Variants in ARMCX4 observed in about 807,000 individuals in gnomAD.
ARMCX4 encodes the protein armadillo repeat containing X-linked 4, also known as armadillo repeat-containing X-linked protein 4.
In ARMCX4, 3 loss-of-function variants were observed where a neutral mutation model predicts 34.7. That is an observed-to-expected ratio of 0.09 (90% CI 0.04 to 0.22). The LOEUF (loss-of-function observed/expected upper bound fraction) is 0.22. ARMCX4 is among the 10% of genes least tolerant of loss of function. The pLI, the probability that ARMCX4 is intolerant of heterozygous loss-of-function variation, is 1.00. For synonymous variants in ARMCX4, 513 were observed against 632.8 expected (o/e 0.81, Z 2.84); for missense variants, 1,448 against 1,720.8 (o/e 0.84, Z 2.81).
chrX:101,528,658 C>T (rs1243663974), intron 11 of ARMCX4, among the ~76,000 whole-genome samples: 2 of 111,380 alleles, frequency 1.8e-5, no homozygotes, highest in African/African-American at 6.5e-5. Flanking sequence ...AATCAATGTG[C>T]AAAAATCATA....
At chrX:101,444,140 G>A (rs1227962928) in exon 3 of ARMCX4, 5 of 275,966 alleles carry the variant, frequency 1.8e-5, no homozygotes, top group African/African-American at 2.8e-5. Flanking sequence ...CATGGGTGGC[G>A]ATGTTGAAGA....
chrX:101,491,691 C>T lies in ARMCX4; in HGVS notation c.3102C>T (p.Ala1034=), dbSNP rs1556009299. The change falls in exon 6 of 6, where the codon GCC becomes GCT. Residue 1034 remains alanine, a synonymous_variant. Transcript: ENST00000423738. Reference sequence around the variant, plus strand: ...ACTCTGCCCAGCCTCAGATTGTGGCCGGTTCCCAGGGTGAGACCTTGCCTG... The same window carrying T: ...ACTCTGCCCAGCCTCAGATTGTGGCTGGTTCCCAGGGTGAGACCTTGCCTG... ...TRHSAQPQIV[A]GSQGETLPGA... 3.5e-6 allele frequency: 4 copies of T among 1,156,371 alleles called. No individual in the cohort carries two copies. Among genetic ancestry groups the T allele is most frequent in the East Asian group, 3.2e-5 (1 of 30,781 alleles).
At chrX:101,446,816 TGGTGGCAGGCAC>T (rs1931669379), downstream of ARMCX4, among the ~76,000 whole-genome samples, 2 of 110,778 alleles carry the variant, frequency 1.8e-5, no homozygotes, top group Non-Finnish European at 3.8e-5. Flanking sequence ...TAGCCGGGCG[TGGTGGCAGGCAC>T]CTATAATCCC....
chrX:101,535,671 C>CA (rs1404417481), downstream of ARMCX4, among the ~76,000 whole-genome samples: 45 of 110,594 alleles, frequency 4.1e-4, no homozygotes, highest in Middle Eastern at 4.6e-3. Flanking sequence ...TCCACCCCTC[C>CA]AAAAAAAGAT....
At chrX:101,506,554 A>C (rs945745728) in intron 8 of ARMCX4, among the ~76,000 whole-genome samples, 8 of 111,052 alleles carry the variant, frequency 7.2e-5, no homozygotes, top group Non-Finnish European at 1.3e-4. Flanking sequence ...ACACTTTCTG[A>C]TGTCTCTTCT....
intron 11 of ARMCX4, among the ~76,000 whole-genome samples, chrX:101,528,278 C>G (rs1000364523): frequency 5.4e-5 from 6 of 111,858 alleles, no homozygotes; most frequent in Non-Finnish European, 1.1e-4. Context: ...CGATAAAATT[C>G]AACAGTGTTT....
chrX:101,431,425 A>T (rs782370027), intron 2 of ARMCX4, among the ~76,000 whole-genome samples: 1 of 112,712 alleles, frequency 8.9e-6, no homozygotes, highest in South Asian at 3.6e-4. Context: ...CATCTTGAGC[A>T]TCATTTTTTG....
chrX:101,471,744 G>C (rs1328819891), intron 4 of ARMCX4, among the ~76,000 whole-genome samples: 1 of 111,115 alleles, frequency 9.0e-6, no homozygotes, highest in African/African-American at 3.3e-5. Flanking sequence ...GCAGCTGAGG[G>C]TCCTGTCTGT....
chrX:101,450,327 G>A (rs1555998885), downstream of ARMCX4, among the ~76,000 whole-genome samples: 1 of 112,252 alleles, frequency 8.9e-6, no homozygotes, highest in East Asian at 2.8e-4. Flanking sequence ...AGGCAGATAA[G>A]CCTCACTCCA....
intron 8 of ARMCX4, chrX:101,505,456 A>G (rs1934427509): frequency 9.0e-6 from 1 of 111,707 alleles, no homozygotes; most frequent in South Asian, 3.8e-4. Context: ...CCAAGTGGAG[A>G]AGCTCAGTAT....
chrX:101,532,826 G>A (rs1556022477), intron 12 of ARMCX4: 2 of 111,504 alleles, frequency 1.8e-5, no homozygotes, highest in Non-Finnish European at 3.8e-5. Context: ...CTGATTATAT[G>A]AAAAATACTT....
intron 2 of ARMCX4, among the ~76,000 whole-genome samples, chrX:101,428,730 G>A (rs1039011181): frequency 1.8e-5 from 2 of 111,595 alleles, no homozygotes; most frequent in Non-Finnish European, 3.8e-5. Flanking sequence ...CCCTTCAAAT[G>A]TACAGTTTAT....
intron 11 of ARMCX4, among the ~76,000 whole-genome samples, chrX:101,513,386 T>C (rs1401026820): frequency 9.0e-6 from 1 of 111,671 alleles, no homozygotes; most frequent in Admixed American, 9.5e-5. Context: ...CTTATCATGA[T>C]ACAGATATCC....
At chrX:101,530,003 T>G (rs1171079114) in intron 11 of ARMCX4, among the ~76,000 whole-genome samples, 1 of 112,034 alleles carries the variant, frequency 8.9e-6, no homozygotes, top group African/African-American at 3.2e-5. Context: ...AAAAGGATTA[T>G]AAATCATGCT....
intron 2 of ARMCX4, among the ~76,000 whole-genome samples, chrX:101,486,374 A>G (rs1190689772): frequency 1.8e-5 from 2 of 111,220 alleles, no homozygotes; most frequent in Non-Finnish European, 3.8e-5. Context: ...TTTTTTAGAT[A>G]GCCTTTGGTG....
At chrX:101,431,695 C>T (rs1210029432) in intron 2 of ARMCX4, among the ~76,000 whole-genome samples, 2 of 110,917 alleles carry the variant, frequency 1.8e-5, no homozygotes, top group Non-Finnish European at 3.8e-5. Context: ...AGGCACCCGC[C>T]ACCATGCCCG....
rs782694563 is a variant in ARMCX4 at position 101,443,125 on chromosome X, C to T, written n.165-927C>T. ...CAGCCTGGGTGACAGAGTGAGACTCCGTCTCAAAAAAAAAAAAAAAAAAAA... is the reference window on the plus strand; with the variant it reads ...CAGCCTGGGTGACAGAGTGAGACTCTGTCTCAAAAAAAAAAAAAAAAAAAA... On this transcript the variant is annotated intron_variant and non_coding_transcript_variant, in intron 2 of 3. Coordinates refer to the ARMCX4 transcript ENST00000430461. Among the ~76,000 whole-genome samples, 475 of 68,623 alleles carry T rather than the reference C, an allele frequency of 6.9e-3. 6 individuals are homozygous for T. The highest frequency in any genetic ancestry group is 0.022 in the African/African-American group (437 of 20,051). The allele number at this position is 68,623 out of a possible 115,157, so 59.6% of individuals were successfully genotyped here.
chrX:101,524,642 G>A, intron 11 of ARMCX4, among the ~76,000 whole-genome samples: 1 of 111,851 alleles, frequency 8.9e-6, no homozygotes, highest in South Asian at 3.8e-4. Flanking sequence ...TTAGCAAACG[G>A]CACACCAGGA....
intron 11 of ARMCX4, among the ~76,000 whole-genome samples, chrX:101,527,903 C>A (rs1935016777): frequency 9.0e-6 from 1 of 111,699 alleles, no homozygotes; most frequent in South Asian, 3.7e-4. Flanking sequence ...ACCAGAGGTA[C>A]AAGGAGGAAC....
Sources: gnomAD v4.1 joint callset for allele counts (sites outside exome capture counted in the v4.1 genomes callset) on GRCh38, gnomAD v4.1.1 for gene constraint, MANE v1.5 for transcripts, NCBI Gene and HGNC (gene_info 2026-07-23, HGNC 2026-07-21) for gene names.